Variants in STRN observed in about 807,000 individuals in gnomAD.
STRN encodes the protein striatin, also known as protein phosphatase 2 regulatory subunit B'''alpha.
STRN carries 53 observed loss-of-function variants against 96.3 expected under a neutral mutation model. That is an observed-to-expected ratio of 0.55 (90% CI 0.44 to 0.69). STRN has a LOEUF of 0.69. Among genes scored for constraint, STRN ranks in the 30% least tolerant of loss-of-function variants. The pLI is 0.00. For missense variants in STRN, 987 were observed against 963.9 expected, an observed-to-expected ratio of 1.02 and a Z score of -0.32; for synonymous variants, 428 against 355.9, an observed-to-expected ratio of 1.20 and a Z score of -2.28.
intron 1 of STRN, among the ~76,000 whole-genome samples, chr2:36,964,446 CGCT>C (rs1665107238): frequency 1.3e-5 from 2 of 152,000 alleles, no homozygotes; most frequent in African/African-American, 2.4e-5. Flanking sequence ...TTATAGAATG[CGCT>C]GCTAATAAAG....
rs141936515 is a variant in STRN, at chr2:36,928,097, T to A, written c.235-2889A>T. On this transcript the variant is annotated intron_variant, in intron 1 of 17. Coordinates refer to ENST00000263918, the MANE Select transcript of STRN (RefSeq NM_003162.4). ...TTACCTTTTTTTTCTCTAGGAAACT[T>A]AGATATTAGAAACAGTCTTAAAACA... Among the ~76,000 whole-genome samples, 178 of 152,176 alleles carry A rather than the reference T, an allele frequency of 1.2e-3. 3 individuals are homozygous for A. In the East Asian group the frequency reaches 0.032, roughly 27 times the overall value.
At chr2:36,961,193 C>G (rs1665022791) in intron 1 of STRN, among the ~76,000 whole-genome samples, 1 of 129,234 alleles carries the variant, frequency 7.7e-6, no homozygotes, top group Admixed American at 9.1e-5. Flanking sequence ...GTGGAGTGAT[C>G]ATGACTCACT....
intron 1 of STRN, among the ~76,000 whole-genome samples, chr2:36,935,816 A>C (rs571376092): frequency 1.9e-4 from 29 of 152,236 alleles, no homozygotes; most frequent in Non-Finnish European, 3.5e-4. Context: ...AGGCAAGAAC[A>C]TACGAAGTAG....
chr2:36,902,856 TAACAG>T, intron 4 of STRN, 105 bp from the exon 5 acceptor site: 1 of 951,280 alleles, frequency 1.1e-6, no homozygotes, highest in South Asian at 2.0e-5. Context: ...GCATAAGACT[TAACAG>T]TACAGTACTA....
chr2:36,922,518 C>CAAA (rs749446955), intron 2 of STRN, among the ~76,000 whole-genome samples: 3 of 91,156 alleles, frequency 3.3e-5, no homozygotes, highest in African/African-American at 8.3e-5. Context: ...GACCCTGTCT[C>CAAA]AAAAAAAAAA....
intron 9 of STRN, among the ~76,000 whole-genome samples, chr2:36,882,466 T>C (rs1166214071): frequency 2.0e-5 from 3 of 152,072 alleles, no homozygotes; most frequent in Non-Finnish European, 2.9e-5. Flanking sequence ...CGCACTACAG[T>C]CTCAAACTCC....
intron 14 of STRN, among the ~76,000 whole-genome samples, chr2:36,857,436 A>G (rs1370540442): frequency 6.6e-6 from 1 of 151,998 alleles, no homozygotes; most frequent in Admixed American, 6.6e-5. Flanking sequence ...GCACTTCGGG[A>G]GGCTGAGGCA....
At chr2:36,867,903 A>C in intron 11 of STRN, 42 bp from the exon 12 acceptor site, 1 of 1,460,472 alleles carries the variant, frequency 6.8e-7, no homozygotes, top group Non-Finnish European at 9.3e-7. Flanking sequence ...AAGTGTCAGT[A>C]AACAGTATAA....
At position 36,884,054 on chromosome 2, in the gene STRN, T is replaced by TGTA. The variant is rs779183046; in HGVS notation, c.1061_1063dup (p.Leu354dup). 3 of 1,392,788 alleles carry TGTA rather than the reference T, an allele frequency of 2.2e-6. No homozygotes were observed. The highest frequency in any genetic ancestry group is 2.8e-6 in the Non-Finnish European group (3 of 1,065,318). 86.3% of individuals were successfully genotyped at this position (1,392,788 alleles called of 1,614,324 possible). A position where few individuals can be genotyped will look rare whatever the true frequency, so the allele number is the denominator to read the frequency against. ...ATCTCTCAAATTAGCAAGCATATCT[T>TGTA]GTAGTTTTGACCTATTGGGCCCTAG... On this transcript the variant is annotated inframe_insertion, in exon 9 of 18. Coordinates refer to ENST00000263918, the MANE Select transcript of STRN (RefSeq NM_003162.4).
chr2:36,855,185 C>G, intron 15 of STRN, 27 bp downstream of exon 15: 1 of 1,604,700 alleles, frequency 6.2e-7, no homozygotes, highest in Non-Finnish European at 8.5e-7. Flanking sequence ...AAAATAAACA[C>G]AGACAATTTA....
chr2:36,855,347 C>G lies in STRN; in HGVS notation c.1843G>C (p.Gly615Arg). The part of the protein sequence containing the change: ...LSVFNDTKEL[G>R]IPASVDLVSS... ...ACTAGATCCACAGAGGCAGGGATTC[C>G]CAGTTCTGAAAGAGAACATATTGAA... Residue 615 changes from glycine (G) to arginine (R), a missense_variant, in exon 15 of 18, where the codon GGA becomes CGA. Physicochemically the swap from Gly to Arg is moderately radical, Grantham distance 125. Coordinates refer to ENST00000263918, the MANE Select transcript of STRN (RefSeq NM_003162.4). 1 of 1,612,758 alleles carries G rather than the reference C, an allele frequency of 6.2e-7. No homozygotes were observed. Among genetic ancestry groups the G allele is most frequent in the Non-Finnish European group, 8.5e-7 (1 of 1,179,432 alleles).
intron 12 of STRN, among the ~76,000 whole-genome samples, chr2:36,863,491 C>T (rs546656186): frequency 2.6e-5 from 4 of 152,242 alleles, no homozygotes; most frequent in Admixed American, 2.6e-4. Context: ...AAGTGTGCAG[C>T]TTTATTTCTG....
chr2:36,961,703 T>G (rs1665033659), intron 1 of STRN, among the ~76,000 whole-genome samples: 1 of 152,168 alleles, frequency 6.6e-6, no homozygotes, highest in African/African-American at 2.4e-5. Context: ...CTTTTAAAGA[T>G]GGTGTCACTC....
intron 13 of STRN, 27 bp downstream of exon 13, chr2:36,861,105 C>T: frequency 6.2e-7 from 1 of 1,603,688 alleles, no homozygotes; most frequent in Non-Finnish European, 8.5e-7. Context: ...CAATTTTATT[C>T]CTTCAGATCT....
In STRN at chr2:36,889,044, T is replaced by C. The variant is rs368443521; in HGVS notation, c.932-2218A>G. Reference sequence around the variant, plus strand: ...ACCCCACACTGACCCCAGCTCTCTCTATCTCCCTTACTCTGTACTTTTTCT... The same window carrying C: ...ACCCCACACTGACCCCAGCTCTCTCCATCTCCCTTACTCTGTACTTTTTCT... On this transcript the variant is annotated intron_variant, in intron 7 of 17. Coordinates refer to ENST00000263918, the MANE Select transcript of STRN (RefSeq NM_003162.4). Among the ~76,000 whole-genome samples the C allele has an allele frequency of 1.3e-4, 20 of 152,236 alleles. No homozygotes were observed. In the South Asian group the frequency reaches 3.5e-3, roughly 27 times the overall value.
At chr2:36,910,716 T>C (rs780657064) in intron 3 of STRN, among the ~76,000 whole-genome samples, 17 of 152,208 alleles carry the variant, frequency 1.1e-4, no homozygotes, top group Non-Finnish European at 1.9e-4. Context: ...ACAAAGGTAG[T>C]AGCATTAACC....
intron 1 of STRN, among the ~76,000 whole-genome samples, chr2:36,946,733 C>T (rs777476992): frequency 6.6e-6 from 1 of 152,006 alleles, no homozygotes; most frequent in Non-Finnish European, 1.5e-5. Context: ...TTAAATAAAT[C>T]ATTTCTTCTA....
At position 36,851,092 on chromosome 2, in the gene STRN, C is replaced by T; in HGVS notation, c.1994G>A (p.Cys665Tyr). Residue 665 changes from cysteine (C) to tyrosine (Y), a missense_variant, in exon 16 of 18, where the codon TGC (cysteine) becomes TAC (tyrosine). Coordinates refer to ENST00000263918, the MANE Select transcript of STRN (RefSeq NM_003162.4). Reference protein sequence around the residue: ...SNVDTTANSSCQINRVISHPT... With the variant: ...SNVDTTANSSYQINRVISHPT... ...ATGACTGATGACTCTATTTATTTGG[C>T]AGGAAGAGTTGGCTGCTAAAAAGAA... 2 of 1,612,756 alleles carry T rather than the reference C, an allele frequency of 1.2e-6. No homozygotes were observed. The highest frequency in any genetic ancestry group is 1.7e-6 in the Non-Finnish European group (2 of 1,179,536).
intron 1 of STRN, among the ~76,000 whole-genome samples, chr2:36,939,821 TAAC>T (rs1670801899): frequency 6.6e-6 from 1 of 152,164 alleles, no homozygotes; most frequent in Admixed American, 6.6e-5. Context: ...CAAAATAGTG[TAAC>T]AACTAAAAGT....
Sources: gnomAD v4.1 joint callset for allele counts (sites outside exome capture counted in the v4.1 genomes callset) on GRCh38, gnomAD v4.1.1 for gene constraint, MANE v1.5 for transcripts, NCBI Gene and HGNC (gene_info 2026-07-23, HGNC 2026-07-21) for gene names.